ZSCAN5A: variants seen among roughly 807,000 people sequenced by gnomAD.
ZSCAN5A encodes zinc finger and SCAN domain-containing protein 5A.
ZSCAN5A carries 12 observed loss-of-function variants against 23.7 expected under a neutral mutation model. The ratio of observed to expected loss-of-function variants is 0.51; its 90% CI spans 0.32 to 0.82. The LOEUF is 0.82. ZSCAN5A is among the 40% of genes least tolerant of loss of function. ZSCAN5A has a pLI of 0.03. For synonymous variants in ZSCAN5A, 257 were observed against 239.9 expected, an observed-to-expected ratio of 1.07 and a Z score of -0.66; for missense variants, 597 against 617.9, an observed-to-expected ratio of 0.97 and a Z score of 0.36.
rs146073173 is a variant in ZSCAN5A, at chr19:56,350,951, G to A, written c.-358+12284C>T. On this transcript the variant is annotated intron_variant, in intron 2 of 6. Coordinates refer to the ZSCAN5A transcript ENST00000587340. Reference sequence around the variant, plus strand: ...CCACACACAGACATGCCATTCTTCTGAGAACCTCAGATCAACCACAGGAGA... The same window carrying A: ...CCACACACAGACATGCCATTCTTCTAAGAACCTCAGATCAACCACAGGAGA... 1.6e-3 allele frequency among the ~76,000 whole-genome samples: 246 copies of A among 151,938 alleles called. 4 individuals are homozygous for A. The East Asian group carries it at 0.024, about 15-fold the overall frequency.
intron 2 of ZSCAN5A, among the ~76,000 whole-genome samples, chr19:56,259,096 C>T (rs912323960): frequency 6.6e-6 from 1 of 152,166 alleles, no homozygotes; most frequent in Non-Finnish European, 1.5e-5. Flanking sequence ...TTTCCTGACC[C>T]ACAGAGATAC....
intron 2 of ZSCAN5A, chr19:56,282,613 C>A: frequency 3.7e-6 from 2 of 539,630 alleles, no homozygotes; most frequent in Non-Finnish European, 4.7e-6. Flanking sequence ...CACAGCTTAG[C>A]TTCTAATAGC....
chr19:56,293,930 G>A (rs537600993), intron 2 of ZSCAN5A, among the ~76,000 whole-genome samples: 4 of 152,262 alleles, frequency 2.6e-5, no homozygotes, highest in African/African-American at 4.8e-5. Flanking sequence ...TGTCTGGCAC[G>A]GGATAAGAGC....
At chr19:56,339,214 C>A (rs2041568742) in intron 2 of ZSCAN5A, among the ~76,000 whole-genome samples, 1 of 152,272 alleles carries the variant, frequency 6.6e-6, no homozygotes, top group African/African-American at 2.4e-5. Context: ...CCACTGTAAG[C>A]AATATGCAAA....
At chr19:56,261,203 C>CAA (rs71293970) in intron 2 of ZSCAN5A, among the ~76,000 whole-genome samples, 157 of 136,552 alleles carry the variant, frequency 1.1e-3, no homozygotes, top group African/African-American at 3.0e-3. Flanking sequence ...GCAAGACTCT[C>CAA]AAAAAAAAAA....
At chr19:56,263,511 C>G (rs967906496) in intron 2 of ZSCAN5A, 1 of 152,176 alleles carries the variant, frequency 6.6e-6, no homozygotes, top group Non-Finnish European at 1.5e-5. Flanking sequence ...TCTATGCTAT[C>G]AGGACCTACC....
chr19:56,320,976 T>C, intron 2 of ZSCAN5A: 2 of 727,214 alleles, frequency 2.8e-6, no homozygotes, highest in Non-Finnish European at 5.2e-6. Context: ...GCATTTAGGG[T>C]ATCTTCGCCA....
intron 2 of ZSCAN5A, among the ~76,000 whole-genome samples, chr19:56,257,779 C>T: frequency 7.6e-6 from 1 of 131,588 alleles, no homozygotes; most frequent in Middle Eastern, 5.7e-3. Flanking sequence ...CGCCAGGGGA[C>T]TCTGCAAGCC....
chr19:56,294,309 C>T (rs1212876355), intron 2 of ZSCAN5A, among the ~76,000 whole-genome samples: 2 of 152,204 alleles, frequency 1.3e-5, no homozygotes, highest in Non-Finnish European at 2.9e-5. Flanking sequence ...GCAAGTGGTT[C>T]GGTGGAGACA....
intron 2 of ZSCAN5A, chr19:56,347,361 G>A (rs905420791): frequency 1.2e-4 from 19 of 152,214 alleles, no homozygotes; most frequent in African/African-American, 3.9e-4. Context: ...AAACGCGGGG[G>A]GCTCTGGGTG....
chr19:56,259,019 G>A (rs2036931219), intron 2 of ZSCAN5A, among the ~76,000 whole-genome samples: 1 of 152,048 alleles, frequency 6.6e-6, no homozygotes, highest in African/African-American at 2.4e-5. Flanking sequence ...TCAGTCACCT[G>A]GAGATCCAGC....
intron 2 of ZSCAN5A, among the ~76,000 whole-genome samples, chr19:56,251,147 G>GT (rs2036308240): frequency 3.3e-5 from 3 of 92,262 alleles, no homozygotes; most frequent in African/African-American, 7.5e-5. Context: ...TAGACTCCGT[G>GT]TAAAAAAAAA....
chr19:56,229,933 C>T (rs1437797482), intron 2 of ZSCAN5A, among the ~76,000 whole-genome samples: 1 of 151,926 alleles, frequency 6.6e-6, no homozygotes, highest in Non-Finnish European at 1.5e-5. Flanking sequence ...ATGTTGACTT[C>T]GTATCCTGTA....
chr19:56,258,392 G>A (rs575151927), intron 2 of ZSCAN5A, among the ~76,000 whole-genome samples: 12 of 130,974 alleles, frequency 9.2e-5, no homozygotes, highest in African/African-American at 3.5e-4. Context: ...TGGGGGTGAC[G>A]GACACGCCTT....
At chr19:56,266,617 C>G (rs916162233) in intron 2 of ZSCAN5A, 2 of 150,184 alleles carry the variant, frequency 1.3e-5, no homozygotes, top group African/African-American at 4.9e-5. Context: ...GTAGCTAGGA[C>G]TACAGGCACC....
rs1282084964 is a variant in ZSCAN5A, at chr19:56,353,799, T to TA, written c.-358+9435dup. 2.7e-5 allele frequency among the ~76,000 whole-genome samples: 4 copies of TA among 150,496 alleles called. No homozygotes were observed. The East Asian group carries it at 5.8e-4, about 22-fold the overall frequency. ...TCTGTCTCAAAAAATAAAAATAAAA[T>TA]AAAAAATAAATAAATAAATAAATAA... On this transcript the variant is annotated intron_variant, in intron 2 of 6. Coordinates refer to the ZSCAN5A transcript ENST00000587340.
At chr19:56,348,763 A>T (rs2041649889) in intron 2 of ZSCAN5A, among the ~76,000 whole-genome samples, 2 of 152,242 alleles carry the variant, frequency 1.3e-5, no homozygotes, top group Non-Finnish European at 2.9e-5. Flanking sequence ...TCCACAAAAA[A>T]ATAGCAAGGA....
chr19:56,285,359 T>C (rs77382537), intron 2 of ZSCAN5A, among the ~76,000 whole-genome samples: 1 of 152,342 alleles, frequency 6.6e-6, no homozygotes, highest in African/African-American at 2.4e-5. Context: ...CAAGCACCAT[T>C]TCTAGTCTCA....
intron 1 of ZSCAN5A, chr19:56,368,045 C>T (rs533455900): frequency 1.3e-5 from 2 of 152,468 alleles, no homozygotes; most frequent in South Asian, 2.1e-4. Flanking sequence ...CCTCAGAAGG[C>T]AACCGCTTGA....
Sources: gnomAD v4.1 joint callset for allele counts (sites outside exome capture counted in the v4.1 genomes callset) on GRCh38, gnomAD v4.1.1 for gene constraint, MANE v1.5 for transcripts, NCBI Gene and HGNC (gene_info 2026-07-23, HGNC 2026-07-21) for gene names.